The following ALOX12B variants were observed in gnomAD, a reference collection of about 807,000 sequenced individuals.
ALOX12B encodes arachidonate 12-lipoxygenase, 12R-type.
A neutral mutation model predicts 78.9 loss-of-function variants in ALOX12B; 47 were observed. The ratio of observed to expected loss-of-function variants is 0.60; its 90% CI spans 0.47 to 0.76. The LOEUF is 0.76. ALOX12B is among the 30% of genes least tolerant of loss of function. The pLI is 0.00. For synonymous variants in ALOX12B, 370 were observed against 374.5 expected (o/e 0.99, Z 0.14); for missense variants, 805 against 922.6 (o/e 0.87, Z 1.65).
rs1978304383 is a variant in ALOX12B at position 8,087,291 on chromosome 17, C to T, written c.147+5G>A. ...ACACACACACACACACACACACACT[C>T]TTACCGCCCCAGTTGCAAAGTCTCT... On this transcript the variant is annotated splice_donor_5th_base_variant and intron_variant, in intron 1 of 14. Transcript: ENST00000647874. 6.2e-7 allele frequency: 1 copy of T among 1,613,528 alleles called. No homozygotes were observed. Among genetic ancestry groups the T allele is most frequent in the African/African-American group, 1.3e-5 (1 of 74,796 alleles).
In ALOX12B at chr17:8,079,984, C is replaced by T. The variant is rs1021119111; in HGVS notation, c.755-43G>A. The T allele has an allele frequency of 1.3e-6, 2 of 1,595,000 alleles. No individual in the cohort carries two copies. The highest frequency in any genetic ancestry group is 1.3e-5 in the African/African-American group (1 of 74,668). On this transcript the variant is annotated intron_variant, in intron 6 of 14. Transcript: ENST00000647874. The surrounding 1 kb of genome is among the most constrained non-coding windows in gnomAD (Gnocchi z 6.4). ...GGGCGTCACAAGGAGGCCCGGCCCC[C>T]CTCGGGGACGGAGAGGCATGGGACA...
chr17:8,080,232 T>A lies in ALOX12B; in HGVS notation c.754+3A>T, dbSNP rs1213807095. On this transcript the variant is annotated splice_donor_region_variant and intron_variant, in intron 6 of 14. Coordinates refer to ENST00000647874, the MANE Select transcript of ALOX12B (RefSeq NM_001139.3). This position sits in a 1 kb window ranked among gnomAD's most constrained non-coding sequence, Gnocchi z 4.8. The stretch of plus-strand genomic sequence containing the variant: ...GCTCGATCCGGGACGCCCCATTCCA[T>A]ACCGGAGACGACAGATTTCTTGCCA... The A allele has an allele frequency of 1.2e-6, 2 of 1,613,872 alleles. No individual in the cohort carries two copies. The highest frequency in any genetic ancestry group is 2.2e-5 in the South Asian group (2 of 91,072).
intron 11 of ALOX12B, 111 bp from the exon 12 acceptor site, chr17:8,075,827 C>G (rs1977068409): frequency 6.3e-7 from 1 of 1,575,728 alleles, no homozygotes; most frequent in East Asian, 2.2e-5. Flanking sequence ...CAGAGCTGCC[C>G]CAGGCCTGTG....
At position 8,081,309 on chromosome 17, in the gene ALOX12B, A is replaced by G. The variant is rs913914714; in HGVS notation, c.353-122T>C. The G allele has an allele frequency of 3.2e-6, 3 of 939,752 alleles. No individual in the cohort carries two copies. In the African/African-American group the frequency reaches 4.9e-5, roughly 15 times the overall value. 58.2% of individuals were successfully genotyped at this position (939,752 alleles called of 1,614,324 possible). A position where few individuals can be genotyped will look rare whatever the true frequency, so the allele number is the denominator to read the frequency against. On this transcript the variant is annotated intron_variant, in intron 2 of 14. Transcript: ENST00000647874. ...GGGGGGCCCATGACCAAGGAGTGGG[A>G]AGGCTCACCTTGGGAGAGTGAAGGT...
chr17:8,072,666 T>G lies in ALOX12B; in HGVS notation c.*105A>C. 2 of 1,466,320 alleles carry G rather than the reference T, an allele frequency of 1.4e-6. No individual in the cohort carries two copies. Among genetic ancestry groups the G allele is most frequent in the East Asian group, 2.3e-5 (1 of 44,000 alleles). The allele number at this position is 1,466,320 out of a possible 1,614,324, so 90.8% of individuals were successfully genotyped here. A position where few individuals can be genotyped will look rare whatever the true frequency, so the allele number is the denominator to read the frequency against. On this transcript the variant is annotated 3_prime_UTR_variant, in exon 15 of 15. Coordinates refer to ENST00000647874, the MANE Select transcript of ALOX12B (RefSeq NM_001139.3). ...GAAGGTTTTTTGTTTTTTTGTTTGTTTGGTGTTTTGGTCTCTGAGGTTTTT... is the reference window on the plus strand; with the variant it reads ...GAAGGTTTTTTGTTTTTTTGTTTGTGTGGTGTTTTGGTCTCTGAGGTTTTT...
intron 13 of ALOX12B, 22 bp from the exon 14 acceptor site, chr17:8,073,340 G>C (rs376498764): frequency 1.2e-6 from 2 of 1,613,908 alleles, no homozygotes; most frequent in East Asian, 2.2e-5. Flanking sequence ...ATAGAGGCGC[G>C]GGTCTGGGTG....
At position 8,073,651 on chromosome 17, in the gene ALOX12B, C is replaced by A; in HGVS notation, c.1755+6G>T. 2 of 1,613,614 alleles carry A rather than the reference C, an allele frequency of 1.2e-6. No homozygotes were observed. Among genetic ancestry groups the A allele is most frequent in the Non-Finnish European group, 1.7e-6 (2 of 1,179,570 alleles). Reference sequence around the variant, plus strand: ...GCTGGGCCTGGGTTGGTGAGACCACCGGTACCTGGCCTGTGTTGACAGCAG... The same window carrying A: ...GCTGGGCCTGGGTTGGTGAGACCACAGGTACCTGGCCTGTGTTGACAGCAG... On this transcript the variant is annotated splice_donor_region_variant and intron_variant, in intron 13 of 14. Coordinates refer to ENST00000647874, the MANE Select transcript of ALOX12B (RefSeq NM_001139.3).
At position 8,081,304 on chromosome 17, in the gene ALOX12B, G is replaced by A. The variant is rs1292471516; in HGVS notation, c.353-117C>T. On this transcript the variant is annotated intron_variant, in intron 2 of 14. Transcript: ENST00000647874. ...CTCTGGGGGGGCCCATGACCAAGGA[G>A]TGGGAAGGCTCACCTTGGGAGAGTG... The A allele has an allele frequency of 5.0e-6, 5 of 993,216 alleles. No individual in the cohort carries two copies. The African/African-American group carries it at 8.0e-5, about 16-fold the overall frequency. The allele number at this position is 993,216 out of a possible 1,614,324, so 61.5% of individuals were successfully genotyped here.
intron 8 of ALOX12B, among the ~76,000 whole-genome samples, chr17:8,078,875 T>C (rs1275536299): frequency 2.0e-5 from 3 of 150,516 alleles, no homozygotes; most frequent in Non-Finnish European, 4.4e-5. Flanking sequence ...TGTGTGTAAG[T>C]TATATGTAAA....
chr17:8,076,869 G>T, intron 9 of ALOX12B, 121 bp downstream of exon 9: 1 of 1,403,984 alleles, frequency 7.1e-7, no homozygotes. Context: ...CCTCTCTTGT[G>T]GTCCCCAGAT....
At chr17:8,076,079 C>A (rs1567981387) in intron 11 of ALOX12B, 96 bp downstream of exon 11, 53 of 1,533,492 alleles carry the variant, frequency 3.5e-5, no homozygotes, top group Non-Finnish European at 4.7e-5. Flanking sequence ...CTGGATGACA[C>A]CAGACCCACA....
rs1193780066 is a variant in ALOX12B, at chr17:8,080,969, C to G, written c.442G>C (p.Val148Leu). 1.2e-6 allele frequency: 2 copies of G among 1,613,972 alleles called. No homozygotes were observed. The highest frequency in any genetic ancestry group is 8.5e-7 in the Non-Finnish European group (1 of 1,180,000). Residue 148 changes from valine (V) to leucine (L), a missense_variant, in exon 4 of 15, where the codon GTC (valine) becomes CTC (leucine). Transcript: ENST00000647874. This position sits in a 1 kb window ranked among gnomAD's most constrained non-coding sequence, Gnocchi z 4.8. Reference sequence around the variant, plus strand: ...TAGCTGGGCAGGCCAGGAAGAAAGACTCGCCAGCTGCAAGGGAAACCGAGA... The same window carrying G: ...TAGCTGGGCAGGCCAGGAAGAAAGAGTCGCCAGCTGCAAGGGAAACCGAGA... ...RAKQDFYHWR[V>L]FLPGLPSYVH...
At chr17:8,083,635 A>G (rs371707843) in intron 2 of ALOX12B, among the ~76,000 whole-genome samples, 262 of 152,258 alleles carry the variant, frequency 1.7e-3, no homozygotes, top group African/African-American at 5.8e-3. Flanking sequence ...AGGCTGAAGC[A>G]GGAAAATCAC....
chr17:8,079,455 C>A lies in ALOX12B; in HGVS notation c.1012G>T (p.Ala338Ser), dbSNP rs1052748366. The part of the protein sequence containing the change: ...ELSGRKQHHC[A>S]PLCLLHFGPE... Reference sequence around the variant, plus strand: ...CCAAAGTGCAGCAGGCAGAGGGGGGCGCAGTGGTGCTGCTTCCGGCCGCTG... The same window carrying A: ...CCAAAGTGCAGCAGGCAGAGGGGGGAGCAGTGGTGCTGCTTCCGGCCGCTG... Residue 338 changes from alanine to serine, a missense_variant, in exon 8 of 15, where the codon GCC becomes TCC. Ala to Ser is a moderately conservative substitution (Grantham distance 99). Coordinates refer to ENST00000647874, the MANE Select transcript of ALOX12B (RefSeq NM_001139.3). This position sits in a 1 kb window ranked among gnomAD's most constrained non-coding sequence, Gnocchi z 6.4. 3 of 1,551,010 alleles carry A rather than the reference C, an allele frequency of 1.9e-6. No homozygotes were observed. The highest frequency in any genetic ancestry group is 8.7e-7 in the Non-Finnish European group (1 of 1,147,006).
chr17:8,075,458 C>T, intron 12 of ALOX12B, 137 bp downstream of exon 12: 2 of 1,425,548 alleles, frequency 1.4e-6, no homozygotes, highest in Non-Finnish European at 1.9e-6. Flanking sequence ...TGTCAAAATC[C>T]TAGGGCAGCA....
intron 2 of ALOX12B, among the ~76,000 whole-genome samples, chr17:8,084,705 T>C (rs1223448718): frequency 5.9e-5 from 9 of 152,122 alleles, no homozygotes. Flanking sequence ...CACAGGGCAA[T>C]GAGAAACGGA....
chr17:8,082,544 G>A (rs57202603), intron 2 of ALOX12B, among the ~76,000 whole-genome samples: 11,938 of 152,160 alleles, frequency 0.078, 777 homozygotes, highest in African/African-American at 0.18. Flanking sequence ...GCTGCTCTCC[G>A]ATAAGTTAAA....
chr17:8,076,950 C>G, intron 9 of ALOX12B, 40 bp downstream of exon 9: 1 of 1,596,410 alleles, frequency 6.3e-7, no homozygotes. Context: ...CAGGTGAGGG[C>G]CATGATGCCT....
At chr17:8,082,240 A>G (rs1977231234) in intron 2 of ALOX12B, among the ~76,000 whole-genome samples, 1 of 152,148 alleles carries the variant, frequency 6.6e-6, no homozygotes. Flanking sequence ...TTGGGTATAT[A>G]CCACTGAAAT....
Sources: allele counts gnomAD v4.1 joint callset (sites outside exome capture counted in the v4.1 genomes callset), GRCh38; gene constraint gnomAD v4.1.1; non-coding constraint Gnocchi (gnomAD v3.1); transcripts MANE v1.5; gene names NCBI Gene and HGNC (gene_info 2026-07-23, HGNC 2026-07-21).